ARMH4: variants seen among roughly 807,000 people sequenced by gnomAD.
The protein encoded by ARMH4 is armadillo-like helical domain-containing protein 4.
In ARMH4, 49 loss-of-function variants were observed where a neutral mutation model predicts 61.9. That is an observed-to-expected ratio of 0.79 (90% confidence interval 0.63 to 1.00). The LOEUF (loss-of-function observed/expected upper bound fraction) is 1.00, where lower values mean the gene tolerates loss of function less well. Among genes scored for constraint, ARMH4 ranks in the 50% least tolerant of loss-of-function variants. The pLI, the probability that ARMH4 is intolerant of heterozygous loss-of-function variation, is 0.00. For missense variants in ARMH4, 934 were observed against 930.0 expected (o/e 1.00, Z -0.06); for synonymous variants, 368 against 341.5 (o/e 1.08, Z -0.85).
intron 5 of ARMH4, among the ~76,000 whole-genome samples, chr14:58,088,759 T>C (rs1034253184): frequency 2.6e-5 from 4 of 152,238 alleles, no homozygotes; most frequent in African/African-American, 9.6e-5. Context: ...ATTGACTTTG[T>C]TTGATCTCTA....
At chr14:58,032,657 G>A (rs1883290911) in intron 5 of ARMH4, among the ~76,000 whole-genome samples, 1 of 151,942 alleles carries the variant, frequency 6.6e-6, no homozygotes. Context: ...CATCTCACTA[G>A]GGAGTGCCAG....
At position 58,012,137 on chromosome 14, in the gene ARMH4, C is replaced by A; in HGVS notation, c.2103G>T (p.Met701Ile). 1 of 1,468,788 alleles carries A rather than the reference C, an allele frequency of 6.8e-7. No homozygotes were observed. The highest frequency in any genetic ancestry group is 1.5e-5 in the African/African-American group (1 of 67,206). The allele number at this position is 1,468,788 out of a possible 1,614,324, so 91.0% of individuals were successfully genotyped here. Residue 701 changes from methionine (M) to isoleucine (I), a missense_variant, in exon 6 of 8, where the codon ATG becomes ATT. By Grantham distance (10) the Met-to-Ile change is conservative (BLOSUM62 1). Coordinates refer to ENST00000267485, the MANE Select transcript of ARMH4 (RefSeq NM_001001872.4). ...QQNQGLVRSWMEKLKDKAGYM... is the reference protein window; with the variant it reads ...QQNQGLVRSWIEKLKDKAGYM... Reference sequence around the variant, plus strand: ...TTCTTACCTTGTCTTTTAATTTTTCCATCCAGCTTCTCACTAGGAAAAAAA... The same window carrying A: ...TTCTTACCTTGTCTTTTAATTTTTCAATCCAGCTTCTCACTAGGAAAAAAA...
chr14:58,113,567 T>G (rs1023065855), intron 4 of ARMH4, among the ~76,000 whole-genome samples: 2 of 152,118 alleles, frequency 1.3e-5, no homozygotes, highest in Non-Finnish European at 2.9e-5. Flanking sequence ...ATTACCACTA[T>G]GAATCCTATC....
In ARMH4 at chr14:58,094,228, G is replaced by C. The variant is rs549628808; in HGVS notation, c.2089+2496C>G. On this transcript the variant is annotated intron_variant, in intron 5 of 7. Transcript: ENST00000267485. ...ACCTGTAGTCCCAGCTGCTCAGGAG[G>C]CTGAGGCAGGAGAATTGTTTGAACC... Among the ~76,000 whole-genome samples the C allele has an allele frequency of 1.0e-3, 155 of 151,358 alleles. 1 individual carries two copies. The highest frequency in any genetic ancestry group is 3.6e-3 in the African/African-American group (149 of 41,186).
At chr14:58,136,534 A>G (rs533196207) in intron 2 of ARMH4, among the ~76,000 whole-genome samples, 1 of 152,314 alleles carries the variant, frequency 6.6e-6, no homozygotes, top group African/African-American at 2.4e-5. Context: ...TGAATTAGAC[A>G]TGTAAAATTC....
At chr14:58,129,017 C>A (rs1401227881) in intron 4 of ARMH4, among the ~76,000 whole-genome samples, 1 of 152,194 alleles carries the variant, frequency 6.6e-6, no homozygotes, top group Non-Finnish European at 1.5e-5. Context: ...CCCTGGGGTT[C>A]CTCCCCTAGA....
chr14:58,041,963 A>G (rs989851129), intron 5 of ARMH4, among the ~76,000 whole-genome samples: 16 of 152,298 alleles, frequency 1.1e-4, no homozygotes, highest in Middle Eastern at 3.4e-3. Flanking sequence ...TTAGAGACCT[A>G]CAAAGAGACT....
chr14:58,045,884 A>G (rs2141191395), intron 5 of ARMH4, among the ~76,000 whole-genome samples: 1 of 152,332 alleles, frequency 6.6e-6, no homozygotes, highest in Non-Finnish European at 1.5e-5. Flanking sequence ...ACAGCCATTA[A>G]CAAGGAAGGC....
At chr14:58,142,042 C>T (rs537513510) in intron 1 of ARMH4, among the ~76,000 whole-genome samples, 19 of 152,168 alleles carry the variant, frequency 1.2e-4, no homozygotes, top group Middle Eastern at 3.4e-3. Context: ...TAATTTACCC[C>T]CAAATTTAAG....
At chr14:58,039,064 T>C (rs1883590955) in intron 5 of ARMH4, among the ~76,000 whole-genome samples, 1 of 152,206 alleles carries the variant, frequency 6.6e-6, no homozygotes, top group South Asian at 2.1e-4. Context: ...TCCCAGGCAA[T>C]GTCTGAGCAC....
rs561641175 is a variant in ARMH4, at chr14:58,031,234, T to G, written c.2090-19084A>C. On this transcript the variant is annotated intron_variant, in intron 5 of 7. Coordinates refer to ENST00000267485, the MANE Select transcript of ARMH4 (RefSeq NM_001001872.4). The stretch of plus-strand genomic sequence containing the variant: ...AAATCCCAAAGCTCTGAGCATCGAT[T>G]AGACACTAGAAATAAAATCTGATTA... 3.9e-5 allele frequency among the ~76,000 whole-genome samples: 6 copies of G among 152,334 alleles called. No individual in the cohort carries two copies. In the South Asian group the frequency reaches 1.2e-3, roughly 32 times the overall value.
rs1216807861 is a variant in ARMH4 at position 58,096,885 on chromosome 14, A to G, written c.1928T>C (p.Leu643Pro). 1 of 1,614,160 alleles carries G rather than the reference A, an allele frequency of 6.2e-7. No individual in the cohort carries two copies. The highest frequency in any genetic ancestry group is 1.7e-5 in the Admixed American group (1 of 60,022). ...EDEEDKDADS[L>P]DEGLDGDTEL... ...AGTGTCACCATCCAAGCCCTCATCC[A>G]GCGAGTCTGCATCTTTATCTTCCTC... Residue 643 changes from leucine to proline, a missense_variant, in exon 5 of 8, where the codon CTG becomes CCG. Physicochemically the swap from Leu to Pro is moderately conservative, Grantham distance 98. Coordinates refer to ENST00000267485, the MANE Select transcript of ARMH4 (RefSeq NM_001001872.4).
intron 5 of ARMH4, among the ~76,000 whole-genome samples, chr14:58,076,728 G>A (rs1025072606): frequency 2.0e-5 from 3 of 152,090 alleles, no homozygotes; most frequent in Admixed American, 1.3e-4. Flanking sequence ...CTTGATCCTG[G>A]GTAAACTGAG....
chr14:58,044,141 G>C (rs1003365141), intron 5 of ARMH4, among the ~76,000 whole-genome samples: 7 of 152,114 alleles, frequency 4.6e-5, no homozygotes, highest in African/African-American at 1.7e-4. Flanking sequence ...AACCAAAAAA[G>C]AGCCCGCATT....
In ARMH4 at chr14:58,139,017, A is replaced by G. The variant is rs770678677; in HGVS notation, c.342T>C (p.Pro114=). The G allele has an allele frequency of 2.5e-6, 4 of 1,614,240 alleles. No individual in the cohort carries two copies. In the East Asian group the frequency reaches 8.9e-5, roughly 36 times the overall value. ...CAGCTGAGGGGACACCTGACTCAGT[A>G]GGTGTGGAAACACCAGGGCGTTCTG... ...MQTERPGVST[P]TESGVPSAEE... is the part of the protein sequence containing the mutation. Residue 114 remains proline, a synonymous_variant, in exon 2 of 8, where the codon CCT becomes CCC. Transcript: ENST00000267485.
intron 4 of ARMH4, among the ~76,000 whole-genome samples, chr14:58,103,150 G>C (rs2141274917): frequency 6.7e-6 from 1 of 149,982 alleles, no homozygotes; most frequent in Admixed American, 6.6e-5. Flanking sequence ...AAAAAAAATA[G>C]AATAAGGCAG....
chr14:58,039,566 G>T (rs1468382317), intron 5 of ARMH4, among the ~76,000 whole-genome samples: 1 of 152,158 alleles, frequency 6.6e-6, no homozygotes, highest in Non-Finnish European at 1.5e-5. Flanking sequence ...TAAAGGAAGG[G>T]CCACAAAGGG....
intron 4 of ARMH4, among the ~76,000 whole-genome samples, chr14:58,112,336 G>A (rs1236650804): frequency 5.5e-5 from 8 of 144,268 alleles, no homozygotes; most frequent in Non-Finnish European, 3.0e-5. Context: ...CCCACTACTG[G>A]TTTAGAAATT....
At chr14:58,129,312 T>A (rs1310238141) in intron 4 of ARMH4, among the ~76,000 whole-genome samples, 1 of 152,204 alleles carries the variant, frequency 6.6e-6, no homozygotes, top group Non-Finnish European at 1.5e-5. Flanking sequence ...TAAAGGTTCA[T>A]TCTTCTTTGG....
Sources: gnomAD v4.1 joint callset for allele counts (sites outside exome capture counted in the v4.1 genomes callset) on GRCh38, gnomAD v4.1.1 for gene constraint, MANE v1.5 for transcripts, NCBI Gene and HGNC (gene_info 2026-07-23, HGNC 2026-07-21) for gene names.